ABLIM1: variants seen among roughly 807,000 people sequenced by gnomAD.
The protein encoded by ABLIM1 is actin binding LIM protein 1, also known as actin-binding LIM protein 1.
Under a neutral mutation model 107.0 loss-of-function variants are expected in ABLIM1, and 40 were observed. That is an observed-to-expected ratio of 0.37 (90% CI 0.29 to 0.49). The LOEUF (loss-of-function observed/expected upper bound fraction) is 0.49, where lower values mean the gene tolerates loss of function less well. ABLIM1 is among the 20% of genes least tolerant of loss of function. ABLIM1 has a pLI of 0.97. For synonymous variants in ABLIM1, 357 were observed against 357.3 expected (o/e 1.00, Z 0.01); for missense variants, 857 against 1,008.5 (o/e 0.85, Z 2.04).
chr10:114,463,629 T>G (rs1330663529), intron 12 of ABLIM1, among the ~76,000 whole-genome samples: 1 of 152,064 alleles, frequency 6.6e-6, no homozygotes, highest in Non-Finnish European at 1.5e-5. Context: ...TTTGCCTACA[T>G]AGAAGGAAAA....
chr10:114,744,269 T>C (rs974453894), intron 1 of ABLIM1, among the ~76,000 whole-genome samples: 3 of 152,186 alleles, frequency 2.0e-5, no homozygotes, highest in African/African-American at 7.2e-5. Flanking sequence ...CCATTTATTC[T>C]CAGGCTCTAT....
chr10:114,666,804 C>A (rs143232160), intron 1 of ABLIM1, among the ~76,000 whole-genome samples: 371 of 152,144 alleles, frequency 2.4e-3, no homozygotes, highest in African/African-American at 8.5e-3. Flanking sequence ...TAAATGGAGG[C>A]AGTAGATTGG....
At chr10:114,651,722 A>G (rs565918836) in intron 1 of ABLIM1, among the ~76,000 whole-genome samples, 1 of 152,344 alleles carries the variant, frequency 6.6e-6, no homozygotes, top group African/African-American at 2.4e-5. Flanking sequence ...TGCTTTCCCA[A>G]ATAGCTGAAA....
At chr10:114,671,346 G>C (rs1054383517) in intron 1 of ABLIM1, among the ~76,000 whole-genome samples, 1 of 152,112 alleles carries the variant, frequency 6.6e-6, no homozygotes, top group African/African-American at 2.4e-5. Context: ...CCTGTTTGGG[G>C]ACATTTGGGT....
Position 114,432,951 on chromosome 10 carries a change from TCTTC to T in ABLIM1, c.*3305_*3308del, listed in dbSNP as rs1328771034. The stretch of plus-strand genomic sequence containing the variant: ...GCTAGCTGTGCAAGTTTCCCAATGC[TCTTC>T]CTATCTCCTAATAAGTCACACAGAA... On this transcript the variant is annotated 3_prime_UTR_variant, in exon 23 of 23. Transcript: ENST00000533213. The T allele has an allele frequency of 6.6e-6, 1 of 152,228 alleles. No homozygotes were observed. Among genetic ancestry groups the T allele is most frequent in the African/African-American group, 2.4e-5 (1 of 41,454 alleles). 9.4% of individuals were successfully genotyped at this position (152,228 alleles called of 1,614,324 possible). A position where few individuals can be genotyped will look rare whatever the true frequency, so the allele number is the denominator to read the frequency against.
intron 18 of ABLIM1, 42 bp from the exon 19 acceptor site, chr10:114,441,119 A>C: frequency 6.5e-7 from 1 of 1,539,374 alleles, no homozygotes; most frequent in Non-Finnish European, 8.8e-7. Flanking sequence ...CTCCATAGTG[A>C]TCGTTTTGGA....
At chr10:114,739,799 G>C (rs574123574) in intron 1 of ABLIM1, among the ~76,000 whole-genome samples, 1 of 152,178 alleles carries the variant, frequency 6.6e-6, no homozygotes, top group South Asian at 2.1e-4. Context: ...AACTTGACTA[G>C]CATTCAGGCA....
At chr10:114,492,395 G>A (rs1444880031) in intron 6 of ABLIM1, among the ~76,000 whole-genome samples, 2 of 152,206 alleles carry the variant, frequency 1.3e-5, no homozygotes, top group Non-Finnish European at 2.9e-5. Context: ...GGGGCCCTAA[G>A]TCTCCTCTAT....
chr10:114,727,106 T>C (rs1300117084), intron 1 of ABLIM1, among the ~76,000 whole-genome samples: 1 of 152,172 alleles, frequency 6.6e-6, no homozygotes, highest in Admixed American at 6.5e-5. Context: ...CACCAAAGTA[T>C]AAACAAATCA....
chr10:114,794,171 G>A, the ABLIM1 span, among the ~76,000 whole-genome samples: 6 of 152,230 alleles, frequency 3.9e-5, no homozygotes, highest in South Asian at 2.1e-4. Flanking sequence ...CTTCCTCTCC[G>A]GAATATTTCT....
At chr10:114,675,665 C>T (rs1737210261) in intron 1 of ABLIM1, among the ~76,000 whole-genome samples, 2 of 152,202 alleles carry the variant, frequency 1.3e-5, no homozygotes, top group South Asian at 2.1e-4. Flanking sequence ...TTACCAGGAC[C>T]TTATGCATTA....
chr10:114,456,061 G>T (rs917761359), intron 12 of ABLIM1, among the ~76,000 whole-genome samples: 1 of 152,034 alleles, frequency 6.6e-6, no homozygotes, highest in South Asian at 2.1e-4. Context: ...TGATCCACCC[G>T]CCTCGGCCTC....
chr10:114,636,850 C>T (rs1036697297), intron 1 of ABLIM1, among the ~76,000 whole-genome samples: 1 of 151,804 alleles, frequency 6.6e-6, no homozygotes, highest in Non-Finnish European at 1.5e-5. Flanking sequence ...CTGGCCAACA[C>T]GGTGAAACCC....
At chr10:114,752,205 T>A (rs1383841968) in intron 1 of ABLIM1, among the ~76,000 whole-genome samples, 1 of 152,136 alleles carries the variant, frequency 6.6e-6, no homozygotes, top group Non-Finnish European at 1.5e-5. Context: ...TAGAGGGGAC[T>A]AGGGATGGGG....
intron 1 of ABLIM1, among the ~76,000 whole-genome samples, chr10:114,720,395 G>T (rs1452916534): frequency 6.6e-6 from 1 of 152,114 alleles, no homozygotes; most frequent in Non-Finnish European, 1.5e-5. Context: ...ATCCAGTAAT[G>T]GGATTGTTGA....
intron 2 of ABLIM1, among the ~76,000 whole-genome samples, chr10:114,587,654 T>C (rs1304181128): frequency 6.6e-6 from 1 of 152,200 alleles, no homozygotes; most frequent in African/African-American, 2.4e-5. Flanking sequence ...CTGTCAACTC[T>C]AGCCACACCT....
intron 8 of ABLIM1, among the ~76,000 whole-genome samples, chr10:114,476,127 C>T (rs1671389172): frequency 6.6e-6 from 1 of 152,132 alleles, no homozygotes; most frequent in Non-Finnish European, 1.5e-5. Context: ...TCAGCCAATG[C>T]CCCTGGTATC....
chr10:114,526,709 G>A, intron 6 of ABLIM1: 2 of 985,544 alleles, frequency 2.0e-6, no homozygotes, highest in Non-Finnish European at 2.4e-6. Flanking sequence ...GCTGTGCTGA[G>A]CAGAGAACTC....
intron 4 of ABLIM1, among the ~76,000 whole-genome samples, chr10:114,554,282 C>T (rs190364030): frequency 6.6e-6 from 1 of 152,150 alleles, no homozygotes; most frequent in Non-Finnish European, 1.5e-5. Flanking sequence ...TTGCCGGTCT[C>T]CAATTTGGGT....
Sources: allele counts gnomAD v4.1 joint callset (sites outside exome capture counted in the v4.1 genomes callset), GRCh38; gene constraint gnomAD v4.1.1; transcripts MANE v1.5; gene names NCBI Gene and HGNC (gene_info 2026-07-23, HGNC 2026-07-21).